TPO: variants seen among roughly 807,000 people sequenced by gnomAD.
TPO encodes thyroid microsomal antigen.
TPO carries 78 observed loss-of-function variants against 96.9 expected under a neutral mutation model. The observed-to-expected ratio is 0.81, with a 90% CI of 0.67 to 0.97. The LOEUF (loss-of-function observed/expected upper bound fraction) is 0.97. Among genes scored for constraint, TPO ranks in the 50% least tolerant of loss-of-function variants. The probability of loss-of-function intolerance (pLI) is 0.00; values close to 1 mark genes in which losing one functional copy is unlikely to be tolerated. For missense variants in TPO, 1,252 were observed against 1,274.8 expected, an observed-to-expected ratio of 0.98 and a Z score of 0.27; for synonymous variants, 547 against 538.0, an observed-to-expected ratio of 1.02 and a Z score of -0.23.
chr2:1,386,855 G>T (rs554111965), intron 1 of TPO, among the ~76,000 whole-genome samples: 1 of 152,284 alleles, frequency 6.6e-6, no homozygotes, highest in South Asian at 2.1e-4. Flanking sequence ...GGTACCAGTT[G>T]TTCCTTTCCA....
chr2:1,485,871 T>A (rs955081421), intron 9 of TPO, among the ~76,000 whole-genome samples: 1 of 152,240 alleles, frequency 6.6e-6, no homozygotes, highest in Non-Finnish European at 1.5e-5. Flanking sequence ...TTCACTCTGA[T>A]AGTGGTTTCT....
chr2:1,477,893 C>T (rs1670137616), intron 8 of TPO: 3 of 985,286 alleles, frequency 3.0e-6, no homozygotes, highest in Admixed American at 6.1e-5. Flanking sequence ...ACCCTCCAGC[C>T]GGCTGGTGAT....
intron 15 of TPO, among the ~76,000 whole-genome samples, chr2:1,517,197 C>A (rs1213350390): frequency 2.6e-5 from 4 of 152,134 alleles, no homozygotes; most frequent in African/African-American, 9.7e-5. Flanking sequence ...ATTTGTACAC[C>A]TTAGGTGGTG....
chr2:1,480,613 C>T (rs1670469340), intron 8 of TPO, among the ~76,000 whole-genome samples: 1 of 139,056 alleles, frequency 7.2e-6, no homozygotes. Flanking sequence ...CACGAGCCAG[C>T]CAGGGCCAGG....
At chr2:1,374,945 G>A (rs572875323) in intron 1 of TPO, among the ~76,000 whole-genome samples, 1 of 151,800 alleles carries the variant, frequency 6.6e-6, no homozygotes, top group Non-Finnish European at 1.5e-5. Context: ...TAGCCAGGAT[G>A]GTCTCGATCT....
At chr2:1,396,196 C>T (rs1362137457) in intron 1 of TPO, among the ~76,000 whole-genome samples, 1 of 152,166 alleles carries the variant, frequency 6.6e-6, no homozygotes, top group Non-Finnish European at 1.5e-5. Context: ...AGCCACATGG[C>T]CACAGAGGCC....
At chr2:1,431,264 G>T (rs747921913) in intron 3 of TPO, among the ~76,000 whole-genome samples, 1 of 152,088 alleles carries the variant, frequency 6.6e-6, no homozygotes, top group Non-Finnish European at 1.5e-5. Flanking sequence ...TGTGGCACCT[G>T]CCCGCTTGAC....
chr2:1,518,629 G>A (rs896900542), intron 15 of TPO, among the ~76,000 whole-genome samples: 2 of 152,152 alleles, frequency 1.3e-5, no homozygotes, highest in East Asian at 1.9e-4. Context: ...TTTCAGTGAC[G>A]TATTTCTGAG....
chr2:1,406,367 C>T (rs532887897), intron 1 of TPO, among the ~76,000 whole-genome samples: 138 of 152,206 alleles, frequency 9.1e-4, no homozygotes, highest in Non-Finnish European at 1.5e-3. Flanking sequence ...TCCAGGGCAC[C>T]TGTGTTACAT....
At chr2:1,511,226 C>CACAGCCCTGCAGACTGGGGGTGCCACAGA (rs1674081991) in intron 14 of TPO, among the ~76,000 whole-genome samples, 1 of 149,120 alleles carries the variant, frequency 6.7e-6, no homozygotes, top group Non-Finnish European at 1.5e-5. Flanking sequence ...GGTGCCACAG[C>CACAGCCCTGCAGACTGGGGGTGCCACAGA]AAAGCCCTGC....
rs1197846211 is a variant in TPO, at chr2:1,543,465, G to A, written c.*991G>A. 1.3e-5 allele frequency: 2 copies of A among 152,154 alleles called. No homozygotes were observed. The highest frequency in any genetic ancestry group is 2.9e-5 in the Non-Finnish European group (2 of 68,034). The allele number at this position is 152,154 out of a possible 1,614,324, so 9.4% of individuals were successfully genotyped here. Reference sequence around the variant, plus strand: ...CGAATGACAACAGTGGCACAGGAGGGCTATGAACATTTTGCTTCAGGATGT... The same window carrying A: ...CGAATGACAACAGTGGCACAGGAGGACTATGAACATTTTGCTTCAGGATGT... On this transcript the variant is annotated 3_prime_UTR_variant, in exon 17 of 17. Coordinates refer to ENST00000329066, the MANE Select transcript of TPO (RefSeq NM_001206744.2).
upstream of TPO, among the ~76,000 whole-genome samples, chr2:1,409,865 C>G (rs1012113789): frequency 6.6e-6 from 1 of 151,674 alleles, no homozygotes; most frequent in Non-Finnish European, 1.5e-5. Flanking sequence ...ACCTCATGAT[C>G]TCCCTCCTAT....
At chr2:1,517,474 C>T (rs562999344) in intron 15 of TPO, among the ~76,000 whole-genome samples, 5 of 152,138 alleles carry the variant, frequency 3.3e-5, no homozygotes, top group Non-Finnish European at 7.3e-5. Flanking sequence ...TGAGAGTGCT[C>T]TCTGCAGAAA....
intron 7 of TPO, among the ~76,000 whole-genome samples, chr2:1,457,588 T>C (rs1243510583): frequency 6.6e-6 from 1 of 150,846 alleles, no homozygotes; most frequent in Non-Finnish European, 1.5e-5. Flanking sequence ...ATACTGTGGG[T>C]ACACATATAT....
intron 15 of TPO, among the ~76,000 whole-genome samples, chr2:1,539,673 G>A (rs1680495079): frequency 6.6e-6 from 1 of 152,080 alleles, no homozygotes; most frequent in Non-Finnish European, 1.5e-5. Context: ...CTCGGGAGTT[G>A]TTTGTTTGTA....
intron 3 of TPO, among the ~76,000 whole-genome samples, chr2:1,428,792 G>A (rs949832): frequency 0.26 from 39,071 of 152,030 alleles, 5,229 homozygotes; most frequent in Admixed American, 0.36. Context: ...GAAAGCACGC[G>A]TTTTGGGGAG....
chr2:1,438,975 C>A, intron 5 of TPO: 2 of 654,166 alleles, frequency 3.1e-6, no homozygotes, highest in East Asian at 5.4e-5. Context: ...CTGGGTCCTG[C>A]AGTAGAGCCT....
At chr2:1,466,069 G>A (rs1334835481) in intron 7 of TPO, among the ~76,000 whole-genome samples, 1 of 152,106 alleles carries the variant, frequency 6.6e-6, no homozygotes, top group African/African-American at 2.4e-5. Flanking sequence ...TATTTCCCTT[G>A]TATGCCAATT....
chr2:1,498,791 G>C (rs1222216216), intron 13 of TPO, among the ~76,000 whole-genome samples: 1 of 152,146 alleles, frequency 6.6e-6, no homozygotes, highest in African/African-American at 2.4e-5. Context: ...CTGACCATAG[G>C]CTCTGCCACT....
Sources: allele counts gnomAD v4.1 joint callset (sites outside exome capture counted in the v4.1 genomes callset), GRCh38; gene constraint gnomAD v4.1.1; transcripts MANE v1.5; gene names NCBI Gene and HGNC (gene_info 2026-07-23, HGNC 2026-07-21).